The following CSMD1 variants were observed in gnomAD, a reference collection of about 807,000 sequenced individuals.
CSMD1 encodes the protein CUB and sushi domain-containing protein 1.
In CSMD1, 213 loss-of-function variants were observed where a neutral mutation model predicts 417.5. That is an observed-to-expected ratio of 0.51 (90% confidence interval 0.46 to 0.57). The LOEUF is 0.57. Among genes scored for constraint, CSMD1 ranks in the 20% least tolerant of loss-of-function variants. CSMD1 has a pLI of 0.00. For missense variants in CSMD1, 6,923 were observed against 4,529.7 expected (o/e 1.53, Z -15.17); for synonymous variants, 2,862 against 1,736.8 (o/e 1.65, Z -16.11).
At chr8:4,339,171 C>G (rs557162764) in intron 3 of CSMD1, among the ~76,000 whole-genome samples, 1 of 152,180 alleles carries the variant, frequency 6.6e-6, no homozygotes, top group East Asian at 1.9e-4. Flanking sequence ...AATTCTTGAG[C>G]CAGGCTTTAT....
At chr8:4,625,720 G>C (rs1585351192) in intron 2 of CSMD1, among the ~76,000 whole-genome samples, 1 of 152,008 alleles carries the variant, frequency 6.6e-6, no homozygotes, top group East Asian at 1.9e-4. Context: ...ATTCAAGACA[G>C]GCTTGGTGTA....
chr8:4,896,597 A>G (rs754837403), intron 1 of CSMD1, among the ~76,000 whole-genome samples: 8 of 152,104 alleles, frequency 5.3e-5, no homozygotes, highest in Admixed American at 1.3e-4. Context: ...CCATGTTCAT[A>G]AATTATCCAT....
chr8:3,949,981 T>G (rs2554516), intron 5 of CSMD1: 14,606 of 455,438 alleles, frequency 0.032, 1,853 homozygotes, highest in African/African-American at 0.27. Context: ...TCTCCAGGCT[T>G]GCATGAAATT....
intron 1 of CSMD1, among the ~76,000 whole-genome samples, chr8:4,641,392 T>C (rs1322396123): frequency 6.6e-6 from 1 of 152,148 alleles, no homozygotes; most frequent in Non-Finnish European, 1.5e-5. Context: ...ACTCCTTAGA[T>C]AAGTCCTTAA....
chr8:3,183,493 A>C (rs56397706), intron 36 of CSMD1, among the ~76,000 whole-genome samples: 16,928 of 21,494 alleles, frequency 0.79, 6,843 homozygotes, highest in African/African-American at 0.82. Flanking sequence ...CGTTTCTTAA[A>C]GATACCATCG....
At position 4,818,205 on chromosome 8, in the gene CSMD1, G is replaced by A. The variant is rs550155452; in HGVS notation, c.85+176127C>T. ...ATATCATATCACCATGAGTTCTCCT[G>A]AGCAAATGTTTTAAAATGTATAGCA... On this transcript the variant is annotated intron_variant, in intron 1 of 69. Coordinates refer to ENST00000635120, the MANE Select transcript of CSMD1 (RefSeq NM_033225.6). 6.6e-5 allele frequency among the ~76,000 whole-genome samples: 10 copies of A among 152,190 alleles called. 1 individual carries two copies. The South Asian group carries it at 2.1e-3, about 32-fold the overall frequency.
At chr8:4,514,844 G>C (rs1032772789) in intron 2 of CSMD1, among the ~76,000 whole-genome samples, 2 of 152,156 alleles carry the variant, frequency 1.3e-5, no homozygotes, top group South Asian at 2.1e-4. Flanking sequence ...TGTACAGGTA[G>C]AGAAAGTCTA....
chr8:4,900,274 T>C (rs1198878055), intron 1 of CSMD1, among the ~76,000 whole-genome samples: 1 of 152,186 alleles, frequency 6.6e-6, no homozygotes, highest in Non-Finnish European at 1.5e-5. Context: ...TTTCGCACTT[T>C]GAATCAGTAT....
chr8:3,709,493 G>A (rs1214316659), intron 6 of CSMD1, among the ~76,000 whole-genome samples: 4 of 151,864 alleles, frequency 2.6e-5, no homozygotes, highest in Non-Finnish European at 4.4e-5. Context: ...AGATTCTGGG[G>A]GTGTCTGTGA....
At chr8:3,037,873 C>G (rs1230027607) in intron 50 of CSMD1, among the ~76,000 whole-genome samples, 1 of 152,086 alleles carries the variant, frequency 6.6e-6, no homozygotes, top group Non-Finnish European at 1.5e-5. Flanking sequence ...TTCTTCTTCC[C>G]CAAGATTTCC....
At chr8:4,906,841 A>G (rs1805314630) in intron 1 of CSMD1, among the ~76,000 whole-genome samples, 1 of 152,214 alleles carries the variant, frequency 6.6e-6, no homozygotes, top group Non-Finnish European at 1.5e-5. Context: ...TACAGGCGTG[A>G]GCCGCTGCCC....
intron 3 of CSMD1, among the ~76,000 whole-genome samples, chr8:4,279,428 T>A (rs117339191): frequency 6.6e-6 from 1 of 152,206 alleles, no homozygotes; most frequent in Non-Finnish European, 1.5e-5. Context: ...TTTGGCAGTA[T>A]TGTCCTTGGA....
At chr8:2,942,397 C>A in intron 69 of CSMD1, 75 bp downstream of exon 69, 1 of 1,286,918 alleles carries the variant, frequency 7.8e-7, no homozygotes, top group South Asian at 1.6e-5. Context: ...CATGTGAGCA[C>A]GAGAGCATGC....
chr8:4,058,034 T>C (rs1424435830), intron 3 of CSMD1, among the ~76,000 whole-genome samples: 2 of 151,658 alleles, frequency 1.3e-5, no homozygotes, highest in Admixed American at 6.6e-5. Flanking sequence ...TTTGGTTCCA[T>C]ATGAATTTTA....
At chr8:4,591,680 G>C (rs1799990265) in intron 2 of CSMD1, among the ~76,000 whole-genome samples, 1 of 152,152 alleles carries the variant, frequency 6.6e-6, no homozygotes, top group Non-Finnish European at 1.5e-5. Context: ...GATTGGAACA[G>C]GCCTGAATTT....
At chr8:3,957,545 ATGGCG>A (rs1457329273) in intron 5 of CSMD1, among the ~76,000 whole-genome samples, 1 of 152,046 alleles carries the variant, frequency 6.6e-6, no homozygotes, top group Non-Finnish European at 1.5e-5. Flanking sequence ...CTAGCTGGGC[ATGGCG>A]GGGCATACTT....
intron 3 of CSMD1, among the ~76,000 whole-genome samples, chr8:4,041,832 A>G (rs571742557): frequency 6.6e-6 from 1 of 152,190 alleles, no homozygotes; most frequent in Non-Finnish European, 1.5e-5. Flanking sequence ...AAACAAACCC[A>G]GATTGAACAT....
chr8:3,995,111 T>C (rs150998860), intron 5 of CSMD1, among the ~76,000 whole-genome samples: 26 of 152,232 alleles, frequency 1.7e-4, no homozygotes, highest in African/African-American at 6.3e-4. Flanking sequence ...ACTGTCACTG[T>C]AGAATTACTG....
At chr8:3,886,622 C>G (rs1806581980) in intron 5 of CSMD1, among the ~76,000 whole-genome samples, 1 of 152,132 alleles carries the variant, frequency 6.6e-6, no homozygotes, top group African/African-American at 2.4e-5. Context: ...GGCCCATAGG[C>G]TGCAGTTTGC....
Sources: allele counts gnomAD v4.1 joint callset (sites outside exome capture counted in the v4.1 genomes callset), GRCh38; gene constraint gnomAD v4.1.1; transcripts MANE v1.5; gene names NCBI Gene and HGNC (gene_info 2026-07-23, HGNC 2026-07-21).